Variants in SGMS1 observed in about 807,000 individuals in gnomAD.
The protein encoded by SGMS1 is phosphatidylcholine:ceramide cholinephosphotransferase 1.
In SGMS1, 13 loss-of-function variants were observed where a neutral mutation model predicts 46.2. The observed-to-expected ratio is 0.28, with a 90% CI of 0.18 to 0.45. The LOEUF (loss-of-function observed/expected upper bound fraction) is 0.45, where lower values mean the gene tolerates loss of function less well. Ranked by LOEUF, SGMS1 falls within the 20% of genes least tolerant of loss-of-function variation. The pLI, the probability that SGMS1 is intolerant of heterozygous loss-of-function variation, is 1.00. For missense variants in SGMS1, 324 were observed against 519.9 expected, an observed-to-expected ratio of 0.62 and a Z score of 3.66; for synonymous variants, 203 against 187.8, an observed-to-expected ratio of 1.08 and a Z score of -0.66.
intron 4 of SGMS1, among the ~76,000 whole-genome samples, chr10:50,464,448 G>A (rs1247530803): frequency 6.6e-6 from 1 of 152,136 alleles, no homozygotes; most frequent in East Asian, 1.9e-4. Flanking sequence ...CACCTGTTTT[G>A]TTTTGCTACA....
At chr10:50,609,718 G>C (rs960163913) in intron 1 of SGMS1, among the ~76,000 whole-genome samples, 7 of 152,106 alleles carry the variant, frequency 4.6e-5, no homozygotes, top group African/African-American at 1.4e-4. Context: ...AGAGCTCTGG[G>C]ATGAATAATG....
At chr10:50,624,523 A>T, upstream of SGMS1, 1 of 909,992 alleles carries the variant, frequency 1.1e-6, no homozygotes, top group East Asian at 1.2e-4. Context: ...GACGCCTGGG[A>T]GCGCGACGGA....
At chr10:50,531,848 T>C (rs2983352) in intron 2 of SGMS1, among the ~76,000 whole-genome samples, 128,053 of 152,138 alleles carry the variant, frequency 0.84, 53,991 homozygotes, top group East Asian at 1. Context: ...CATGATAAGG[T>C]AGGCACTAAT....
chr10:50,339,131 T>G (rs1847768517), intron 7 of SGMS1, among the ~76,000 whole-genome samples: 1 of 152,230 alleles, frequency 6.6e-6, no homozygotes, highest in South Asian at 2.1e-4. Context: ...GTTTCATTCT[T>G]TTAAAACACC....
chr10:50,560,330 TTATTAA>T (rs923037169), intron 2 of SGMS1, among the ~76,000 whole-genome samples: 4 of 137,674 alleles, frequency 2.9e-5, no homozygotes, highest in African/African-American at 1.1e-4. Flanking sequence ...ATATTATATA[TTATTAA>T]TATTATTAAT....
Position 50,311,371 on chromosome 10 carries a change from G to A in SGMS1, c.786C>T (p.Leu262=). ...TGATAGACAAGCCACCTCCAGCAAT[G>A]AGCTTCATTATTCTTCGCAGTTGGG... The part of the protein sequence containing the change: ...WEAQLRRIMK[L]IAGGGLSITG... The change falls in exon 9 of 11, where the codon CTC becomes CTT. Residue 262 remains leucine, a synonymous_variant. Coordinates refer to ENST00000361781, the MANE Select transcript of SGMS1 (RefSeq NM_147156.4). 2 of 1,613,976 alleles carry A rather than the reference G, an allele frequency of 1.2e-6. No individual in the cohort carries two copies. The highest frequency in any genetic ancestry group is 1.7e-6 in the Non-Finnish European group (2 of 1,179,916).
At chr10:50,511,098 CT>C (rs1313661498) in intron 3 of SGMS1, among the ~76,000 whole-genome samples, 2 of 152,154 alleles carry the variant, frequency 1.3e-5, no homozygotes, top group Non-Finnish European at 2.9e-5. Context: ...GAGAAGTTCA[CT>C]TTTCAGAATG....
chr10:50,491,253 C>T (rs757269172), intron 3 of SGMS1, among the ~76,000 whole-genome samples: 4 of 152,124 alleles, frequency 2.6e-5, no homozygotes, highest in Non-Finnish European at 5.9e-5. Context: ...AATTGGGAGG[C>T]TGAGGAAGGA....
intron 2 of SGMS1, among the ~76,000 whole-genome samples, chr10:50,550,728 G>A (rs1370092759): frequency 6.6e-6 from 1 of 152,080 alleles, no homozygotes; most frequent in African/African-American, 2.4e-5. Flanking sequence ...GAACTCCTTG[G>A]AAAACTGGCT....
chr10:50,595,111 G>A (rs1838578284), intron 1 of SGMS1, among the ~76,000 whole-genome samples: 1 of 152,058 alleles, frequency 6.6e-6, no homozygotes, highest in Admixed American at 6.5e-5. Context: ...GGTGATGATA[G>A]TAGCTACCAG....
intron 3 of SGMS1, among the ~76,000 whole-genome samples, chr10:50,490,240 T>C (rs1837556185): frequency 6.6e-6 from 1 of 152,230 alleles, no homozygotes; most frequent in African/African-American, 2.4e-5. Context: ...GCATTTATAA[T>C]TATTCCTAAT....
intron 5 of SGMS1, among the ~76,000 whole-genome samples, chr10:50,449,001 C>T (rs1270609087): frequency 1.3e-5 from 2 of 152,112 alleles, no homozygotes; most frequent in Non-Finnish European, 2.9e-5. Context: ...ATTAAGACAA[C>T]ATGACATACC....
At chr10:50,386,761 T>C (rs899604091) in intron 6 of SGMS1, among the ~76,000 whole-genome samples, 1 of 152,124 alleles carries the variant, frequency 6.6e-6, no homozygotes, top group African/African-American at 2.4e-5. Flanking sequence ...AGCACACCCC[T>C]GCCCCACCTG....
At chr10:50,385,164 G>A (rs1848665257) in intron 6 of SGMS1, among the ~76,000 whole-genome samples, 1 of 152,156 alleles carries the variant, frequency 6.6e-6, no homozygotes, top group Non-Finnish European at 1.5e-5. Flanking sequence ...CAGAAGTAAT[G>A]TTGTGTTCCA....
chr10:50,493,964 A>AT (rs1350519737), intron 3 of SGMS1, among the ~76,000 whole-genome samples: 28 of 152,124 alleles, frequency 1.8e-4, no homozygotes, highest in Admixed American at 3.3e-4. Flanking sequence ...CGCCCGGCTA[A>AT]TTTTTTGTAT....
chr10:50,453,138 G>A (rs545131085), intron 5 of SGMS1, among the ~76,000 whole-genome samples: 3 of 152,054 alleles, frequency 2.0e-5, no homozygotes, highest in African/African-American at 7.2e-5. Context: ...AGAGCCAACA[G>A]AAACAGGCAA....
intron 2 of SGMS1, among the ~76,000 whole-genome samples, chr10:50,570,594 G>A (rs1838328484): frequency 6.6e-6 from 1 of 152,076 alleles, no homozygotes; most frequent in South Asian, 2.1e-4. Context: ...CCCTATTAAG[G>A]TCCTAATAAC....
At chr10:50,388,065 C>G (rs1464808803) in intron 6 of SGMS1, among the ~76,000 whole-genome samples, 2 of 152,058 alleles carry the variant, frequency 1.3e-5, no homozygotes, top group Non-Finnish European at 2.9e-5. Context: ...CAGCTTTAGA[C>G]TAAACTTGAT....
At chr10:50,622,212 A>G (rs1470272443) in intron 1 of SGMS1, among the ~76,000 whole-genome samples, 1 of 152,158 alleles carries the variant, frequency 6.6e-6, no homozygotes, top group Non-Finnish European at 1.5e-5. Flanking sequence ...ACAGGCACCC[A>G]TCCCCCGCAG....
Sources: allele counts gnomAD v4.1 joint callset (sites outside exome capture counted in the v4.1 genomes callset), GRCh38; gene constraint gnomAD v4.1.1; transcripts MANE v1.5; gene names NCBI Gene and HGNC (gene_info 2026-07-23, HGNC 2026-07-21).